Variants in TMEM120B observed in about 807,000 individuals in gnomAD.
TMEM120B encodes the protein transmembrane protein 120B.
In TMEM120B, 31 loss-of-function variants were observed where a neutral mutation model predicts 55.5. That is an observed-to-expected ratio of 0.56 (90% CI 0.42 to 0.75). The LOEUF is 0.75. Ranked by LOEUF, TMEM120B falls within the 30% of genes least tolerant of loss-of-function variation. TMEM120B has a pLI of 0.00. For synonymous variants in TMEM120B, 203 were observed against 176.3 expected (o/e 1.15, Z -1.20); for missense variants, 399 against 425.5 (o/e 0.94, Z 0.55).
chr12:121,737,934 C>A (rs193055191), intron 1 of TMEM120B, among the ~76,000 whole-genome samples: 125 of 148,306 alleles, frequency 8.4e-4, no homozygotes, highest in Non-Finnish European at 1.4e-3. Context: ...TACTTGAACC[C>A]GGGAGGTGGA....
rs757831329 is a variant in TMEM120B at position 121,750,429 on chromosome 12, A to T, written c.355A>T (p.Asn119Tyr). The change falls in exon 4 of 12, where the codon AAC (asparagine) becomes TAC (tyrosine). Residue 119 changes from asparagine (N) to tyrosine (Y), a missense_variant. Physicochemically the swap from Asn to Tyr is moderately radical, Grantham distance 143. Transcript: ENST00000449592. ...LGNVNVTLLS[N>Y]QAKFAYKDEY... is the part of the protein sequence containing the mutation. ...CAATGTGAACGTGACCCTCCTCAGC[A>T]ACCAGGCCAAGTAAGTGTCCCCCAC... 2 of 1,612,202 alleles carry T rather than the reference A, an allele frequency of 1.2e-6. No homozygotes were observed. Among genetic ancestry groups the T allele is most frequent in the Non-Finnish European group, 8.5e-7 (1 of 1,179,124 alleles).
chr12:121,732,852 G>T (rs1895028558), intron 1 of TMEM120B, among the ~76,000 whole-genome samples: 1 of 151,988 alleles, frequency 6.6e-6, no homozygotes, highest in South Asian at 2.1e-4. Flanking sequence ...GGTGGCACGT[G>T]CCTGTAGTCC....
intron 6 of TMEM120B, among the ~76,000 whole-genome samples, chr12:121,764,125 C>T (rs1284513171): frequency 2.7e-5 from 4 of 150,594 alleles, no homozygotes; most frequent in East Asian, 1.9e-4. Context: ...GAGTTCAAGA[C>T]CAGCCTGGGC....
At chr12:121,747,100 A>G (rs1873109554) in intron 2 of TMEM120B, among the ~76,000 whole-genome samples, 1 of 152,214 alleles carries the variant, frequency 6.6e-6, no homozygotes, top group African/African-American at 2.4e-5. Context: ...ATTGTCTGTG[A>G]GGTAGGCTTG....
chr12:121,715,618 T>C (rs1350117892), intron 1 of TMEM120B, among the ~76,000 whole-genome samples: 1 of 152,126 alleles, frequency 6.6e-6, no homozygotes, highest in African/African-American at 2.4e-5. Flanking sequence ...TAGAAGGGAC[T>C]GCATCCTACT....
At chr12:121,716,372 A>G (rs1014439197) in intron 1 of TMEM120B, among the ~76,000 whole-genome samples, 1 of 151,500 alleles carries the variant, frequency 6.6e-6, no homozygotes, top group African/African-American at 2.4e-5. Context: ...GTAGGTGGGC[A>G]CACTGAACTA....
intron 1 of TMEM120B, among the ~76,000 whole-genome samples, chr12:121,733,976 T>C (rs1174994024): frequency 6.6e-6 from 1 of 152,230 alleles, no homozygotes; most frequent in East Asian, 1.9e-4. Context: ...TAAGCTACGC[T>C]GCTGTCACAA....
rs763031076 is a variant in TMEM120B at position 121,775,734 on chromosome 12, C to T, written c.*12C>T. The T allele has an allele frequency of 8.1e-6, 13 of 1,613,444 alleles. No individual in the cohort carries two copies. Among genetic ancestry groups the T allele is most frequent in the Non-Finnish European group, 1.0e-5 (12 of 1,179,872 alleles). On this transcript the variant is annotated 3_prime_UTR_variant, in exon 12 of 12. Coordinates refer to ENST00000449592, the MANE Select transcript of TMEM120B (RefSeq NM_001080825.2). This position sits in a 1 kb window ranked among gnomAD's most constrained non-coding sequence, Gnocchi z 4.3. ...CAAAGCAGCCGTGAGCCTCGGGCTC[C>T]TGTGCCCTCGGCCCGGACTTCAGAC...
In TMEM120B at chr12:121,781,079, T is replaced by A; in HGVS notation, c.*5357T>A. The A allele has an allele frequency of 6.2e-7, 1 of 1,614,170 alleles. No individual in the cohort carries two copies. ...GGGGCCACCACCCAGGAGGCCGGCC[T>A]CACCTTGATGAGGACGTTGTCGTAG... is the stretch of plus-strand genomic sequence containing the variant. On this transcript the variant is annotated 3_prime_UTR_variant, in exon 12 of 12. Coordinates refer to ENST00000449592, the MANE Select transcript of TMEM120B (RefSeq NM_001080825.2).
rs757261415 is a variant in TMEM120B at position 121,780,907 on chromosome 12, G to A, written c.*5185G>A. ...GTGATGGGCTCCAGCTGGGCGGCCC[G>A]GAGCTTCCGCAGCTGCTCCTTGTCC... On this transcript the variant is annotated 3_prime_UTR_variant, in exon 12 of 12. Coordinates refer to ENST00000449592, the MANE Select transcript of TMEM120B (RefSeq NM_001080825.2). 21 of 1,613,674 alleles carry A rather than the reference G, an allele frequency of 1.3e-5. No homozygotes were observed. The East Asian group carries it at 1.8e-4, about 14-fold the overall frequency.
intron 5 of TMEM120B, among the ~76,000 whole-genome samples, chr12:121,756,881 A>G (rs1301182105): frequency 6.6e-6 from 1 of 152,176 alleles, no homozygotes; most frequent in Non-Finnish European, 1.5e-5. Context: ...ACTGTGGGCA[A>G]GTCAGTTGTT....
intron 1 of TMEM120B, among the ~76,000 whole-genome samples, chr12:121,730,646 TCA>T (rs1566509113): frequency 2.8e-5 from 1 of 35,694 alleles, no homozygotes. Flanking sequence ...CGAGACACAG[TCA>T]AAAAAAAAAA....
intron 6 of TMEM120B, among the ~76,000 whole-genome samples, chr12:121,764,328 C>T (rs1019021792): frequency 6.6e-6 from 1 of 152,158 alleles, no homozygotes; most frequent in Admixed American, 6.5e-5. Flanking sequence ...TGAGACCAGC[C>T]TGACCAACAT....
chr12:121,714,420 T>G (rs1276287220), intron 1 of TMEM120B, among the ~76,000 whole-genome samples: 1 of 151,674 alleles, frequency 6.6e-6, no homozygotes, highest in Non-Finnish European at 1.5e-5. Flanking sequence ...CGTGCCCGGC[T>G]AATTTTTTTG....
chr12:121,774,856 C>T (rs1874184103), intron 10 of TMEM120B, 134 bp downstream of exon 10: 1 of 1,258,498 alleles, frequency 7.9e-7, no homozygotes, highest in Non-Finnish European at 1.1e-6. Context: ...GGGGCAGCCT[C>T]TGGGCCCAGG....
At chr12:121,747,266 G>A in intron 2 of TMEM120B, among the ~76,000 whole-genome samples, 1 of 146,112 alleles carries the variant, frequency 6.8e-6, no homozygotes, top group Non-Finnish European at 1.5e-5. Context: ...TAGAAGGTGG[G>A]AGGCTGGGGT....
Position 121,777,464 on chromosome 12 carries a change from C to T in TMEM120B, c.*1742C>T, listed in dbSNP as rs757573360. On this transcript the variant is annotated 3_prime_UTR_variant, in exon 12 of 12. Transcript: ENST00000449592. Reference sequence around the variant, plus strand: ...TCCCCACCCCTACAGTGAGATTCCACATAAAAATCCAGATTTCTGCTTTCC... The same window carrying T: ...TCCCCACCCCTACAGTGAGATTCCATATAAAAATCCAGATTTCTGCTTTCC... 1.3e-5 allele frequency: 2 copies of T among 152,186 alleles called. No individual in the cohort carries two copies. Among genetic ancestry groups the T allele is most frequent in the East Asian group, 1.9e-4 (1 of 5,192 alleles). 9.4% of individuals were successfully genotyped at this position (152,186 alleles called of 1,614,324 possible). A position where few individuals can be genotyped will look rare whatever the true frequency, so the allele number is the denominator to read the frequency against.
At chr12:121,750,515 C>A in intron 4 of TMEM120B, 76 bp downstream of exon 4, 1 of 1,174,580 alleles carries the variant, frequency 8.5e-7, no homozygotes, top group Admixed American at 1.9e-5. Flanking sequence ...CCAAACCCCA[C>A]ACTGAGAACC....
At chr12:121,720,829 G>A (rs753669398) in intron 1 of TMEM120B, among the ~76,000 whole-genome samples, 1 of 152,172 alleles carries the variant, frequency 6.6e-6, no homozygotes, top group African/African-American at 2.4e-5. Flanking sequence ...ACTGCCCAGC[G>A]ACTTCTGATG....
Sources: gnomAD v4.1 joint callset for allele counts (sites outside exome capture counted in the v4.1 genomes callset) on GRCh38, gnomAD v4.1.1 for gene constraint, Gnocchi (gnomAD v3.1) non-coding constraint, MANE v1.5 for transcripts, NCBI Gene and HGNC (gene_info 2026-07-23, HGNC 2026-07-21) for gene names.